NUSAP1: variants seen among roughly 807,000 people sequenced by gnomAD.
NUSAP1 encodes the protein nucleolar and spindle associated protein 1.
In NUSAP1, 32 loss-of-function variants were observed where a neutral mutation model predicts 52.8. That is an observed-to-expected ratio of 0.61 (90% CI 0.46 to 0.81). The LOEUF (loss-of-function observed/expected upper bound fraction) is 0.81, where lower values mean the gene tolerates loss of function less well. NUSAP1 is among the 40% of genes least tolerant of loss of function. The probability of loss-of-function intolerance (pLI) is 0.00; values close to 1 mark genes in which losing one functional copy is unlikely to be tolerated. For synonymous variants in NUSAP1, 195 were observed against 183.1 expected (o/e 1.06, Z -0.52); for missense variants, 499 against 522.3 (o/e 0.96, Z 0.43).
rs535076187 is a variant in NUSAP1, at chr15:41,354,598, A to G, written c.449-1441A>G. On this transcript the variant is annotated intron_variant, in intron 4 of 10. Coordinates refer to ENST00000559596, the MANE Select transcript of NUSAP1 (RefSeq NM_016359.5). ...AATGGTGTTTTCTTTGGCTGATTGG[A>G]TTACGTGACTTTTATCACTAGTTGT... Among the ~76,000 whole-genome samples, 49 of 152,056 alleles carry G rather than the reference A, an allele frequency of 3.2e-4. 2 individuals carry two copies. In the South Asian group the frequency reaches 9.8e-3, roughly 30 times the overall value.
rs182225262 is a variant in NUSAP1 at position 41,365,653 on chromosome 15, A to T, written c.848+64A>T. The T allele has an allele frequency of 1.7e-3, 2,133 of 1,255,708 alleles. 3 individuals carry two copies. Among genetic ancestry groups the T allele is most frequent in the African/African-American group, 4.0e-3 (261 of 65,790 alleles). 77.8% of individuals were successfully genotyped at this position (1,255,708 alleles called of 1,614,324 possible). ...TTCACATGGACTATATAAAAAAAAA[A>T]TTTTTAATTGGCAAATAATATTCGT... On this transcript the variant is annotated intron_variant, in intron 7 of 10. Transcript: ENST00000559596.
chr15:41,344,772 C>A (rs1447627608), intron 2 of NUSAP1, among the ~76,000 whole-genome samples: 1 of 152,128 alleles, frequency 6.6e-6, no homozygotes, highest in Non-Finnish European at 1.5e-5. Context: ...AAAACACCGT[C>A]TCTACTAAAA....
chr15:41,346,130 G>C (rs548343029), intron 2 of NUSAP1, among the ~76,000 whole-genome samples: 24 of 151,584 alleles, frequency 1.6e-4, no homozygotes, highest in African/African-American at 5.8e-4. Flanking sequence ...TAGTAGAGTG[G>C]AGGTTTTACC....
At chr15:41,361,196 C>G (rs1391846339) in intron 6 of NUSAP1, among the ~76,000 whole-genome samples, 2 of 151,746 alleles carry the variant, frequency 1.3e-5, no homozygotes, top group African/African-American at 2.4e-5. Context: ...GGGTTTGAGA[C>G]CAGCCTGACC....
rs969929475 is a variant in NUSAP1 at position 41,357,593 on chromosome 15, G to A, written c.551-556G>A. 2.6e-5 allele frequency among the ~76,000 whole-genome samples: 4 copies of A among 151,748 alleles called. 1 individual carries two copies. Among genetic ancestry groups the A allele is most frequent in the Admixed American group, 6.6e-5 (1 of 15,228 alleles). On this transcript the variant is annotated intron_variant, in intron 5 of 10. Coordinates refer to ENST00000559596, the MANE Select transcript of NUSAP1 (RefSeq NM_016359.5). ...CGAGTAGCTGGGATTACAGGCGTGC[G>A]CCACCACACCTGGCTAATTTTTGTA...
At chr15:41,378,956 T>TG (rs1566813636) in intron 10 of NUSAP1, among the ~76,000 whole-genome samples, 2 of 109,634 alleles carry the variant, frequency 1.8e-5, no homozygotes, top group Non-Finnish European at 3.7e-5. Context: ...TTTTTTTTTT[T>TG]TTTTTTTTTT....
At chr15:41,365,677 G>T in intron 7 of NUSAP1, 88 bp downstream of exon 7, 1 of 924,028 alleles carries the variant, frequency 1.1e-6, no homozygotes. Flanking sequence ...AATAATATTC[G>T]TACATACTCA....
chr15:41,357,335 T>C (rs2049010862), intron 5 of NUSAP1, among the ~76,000 whole-genome samples: 1 of 151,860 alleles, frequency 6.6e-6, no homozygotes, highest in Non-Finnish European at 1.5e-5. Context: ...GCCATTGCAC[T>C]GTAGCCTGGG....
At chr15:41,341,238 G>C (rs2048356033) in intron 1 of NUSAP1, among the ~76,000 whole-genome samples, 1 of 151,880 alleles carries the variant, frequency 6.6e-6, no homozygotes, top group Non-Finnish European at 1.5e-5. Context: ...GCTAATTTTT[G>C]TTTTTTTATT....
intron 10 of NUSAP1, among the ~76,000 whole-genome samples, chr15:41,378,459 C>T (rs1241298489): frequency 2.6e-5 from 4 of 152,112 alleles, no homozygotes; most frequent in Non-Finnish European, 5.9e-5. Context: ...TGACTCATGG[C>T]TATACACGAC....
chr15:41,351,376 C>T (rs116702530), intron 4 of NUSAP1, among the ~76,000 whole-genome samples: 1,714 of 152,242 alleles, frequency 0.011, 38 homozygotes, highest in African/African-American at 0.04. Flanking sequence ...CGATGGCTGT[C>T]GACGCTTGGT....
intron 6 of NUSAP1, among the ~76,000 whole-genome samples, chr15:41,364,920 G>C (rs1022508460): frequency 1.3e-5 from 2 of 152,098 alleles, no homozygotes; most frequent in Non-Finnish European, 2.9e-5. Context: ...GCCGGGAAAG[G>C]CTTTCTTGTA....
In NUSAP1 at chr15:41,380,848, A is replaced by G. The variant is rs2050179210; in HGVS notation, c.*662A>G. 6.6e-6 allele frequency: 1 copy of G among 152,172 alleles called. No individual in the cohort carries two copies. Among genetic ancestry groups the G allele is most frequent in the South Asian group, 2.1e-4 (1 of 4,832 alleles). 9.4% of individuals were successfully genotyped at this position (152,172 alleles called of 1,614,324 possible). A position where few individuals can be genotyped will look rare whatever the true frequency, so the allele number is the denominator to read the frequency against. On this transcript the variant is annotated 3_prime_UTR_variant, in exon 11 of 11. Coordinates refer to ENST00000559596, the MANE Select transcript of NUSAP1 (RefSeq NM_016359.5). Reference sequence around the variant, plus strand: ...TAGCCCTATCGAAATGCGAGGATTAATGCTTTAATGCTTTTAGAGACAGGG... The same window carrying G: ...TAGCCCTATCGAAATGCGAGGATTAGTGCTTTAATGCTTTTAGAGACAGGG...
chr15:41,378,220 C>A (rs1174405159), intron 10 of NUSAP1, among the ~76,000 whole-genome samples: 1 of 152,148 alleles, frequency 6.6e-6, no homozygotes, highest in East Asian at 1.9e-4. Flanking sequence ...CAATGCCCAG[C>A]AGCCCAGGGC....
At chr15:41,370,297 G>T (rs570761154) in intron 7 of NUSAP1, among the ~76,000 whole-genome samples, 2 of 152,202 alleles carry the variant, frequency 1.3e-5, no homozygotes, top group African/African-American at 4.8e-5. Context: ...CAGGAGAATG[G>T]TGTTAACCCA....
At chr15:41,339,806 A>G (rs1004655678) in intron 1 of NUSAP1, among the ~76,000 whole-genome samples, 11 of 151,364 alleles carry the variant, frequency 7.3e-5, no homozygotes, top group Admixed American at 1.3e-4. Flanking sequence ...TTTGAGACAG[A>G]CTTTCGCTCT....
intron 1 of NUSAP1, among the ~76,000 whole-genome samples, chr15:41,337,877 A>G (rs1026930700): frequency 2.8e-5 from 4 of 141,386 alleles, no homozygotes; most frequent in Non-Finnish European, 1.5e-5. Context: ...TTCTCTAACT[A>G]TGCTCTATCC....
At chr15:41,361,431 A>T (rs2049174973) in intron 6 of NUSAP1, among the ~76,000 whole-genome samples, 1 of 152,092 alleles carries the variant, frequency 6.6e-6, no homozygotes, top group South Asian at 2.1e-4. Context: ...AATTTAAAAA[A>T]ATGTTTCAGC....
intron 6 of NUSAP1, among the ~76,000 whole-genome samples, chr15:41,364,336 A>G (rs1395851439): frequency 6.6e-6 from 1 of 151,950 alleles, no homozygotes; most frequent in Non-Finnish European, 1.5e-5. Flanking sequence ...TCACAAGGTC[A>G]GCAGTTCAAG....
Sources: allele counts gnomAD v4.1 joint callset (sites outside exome capture counted in the v4.1 genomes callset), GRCh38; gene constraint gnomAD v4.1.1; transcripts MANE v1.5; gene names NCBI Gene and HGNC (gene_info 2026-07-23, HGNC 2026-07-21).